The following RAP1GDS1 variants were observed in gnomAD, a reference collection of about 807,000 sequenced individuals.
RAP1GDS1 encodes RAP1, GTP-GDP dissociation stimulator 1.
RAP1GDS1 carries 35 observed loss-of-function variants against 71.1 expected under a neutral mutation model. The ratio of observed to expected loss-of-function variants is 0.49; its 90% CI spans 0.38 to 0.65. The LOEUF (loss-of-function observed/expected upper bound fraction) is 0.65. Ranked by LOEUF, RAP1GDS1 falls within the 30% of genes least tolerant of loss-of-function variation. The pLI is 0.00. For missense variants in RAP1GDS1, 663 were observed against 706.1 expected (o/e 0.94, Z 0.69); for synonymous variants, 229 against 243.1 (o/e 0.94, Z 0.54).
chr4:98,364,300 T>C (rs1460999950), intron 4 of RAP1GDS1, among the ~76,000 whole-genome samples: 1 of 152,116 alleles, frequency 6.6e-6, no homozygotes, highest in Non-Finnish European at 1.5e-5. Flanking sequence ...CATAGTTTTT[T>C]ACGTAGGAGG....
intron 2 of RAP1GDS1, among the ~76,000 whole-genome samples, chr4:98,320,533 T>C (rs1342694550): frequency 6.6e-6 from 1 of 152,160 alleles, no homozygotes. Context: ...ATCTGAGCTT[T>C]GAAGAGAGCA....
intron 2 of RAP1GDS1, among the ~76,000 whole-genome samples, chr4:98,295,380 A>G (rs1466624981): frequency 6.6e-6 from 1 of 152,088 alleles, no homozygotes; most frequent in Admixed American, 6.6e-5. Context: ...CTGAAACAAA[A>G]TTTATAAATG....
intron 1 of RAP1GDS1, among the ~76,000 whole-genome samples, chr4:98,285,135 A>C: frequency 6.6e-6 from 1 of 152,348 alleles, no homozygotes; most frequent in Middle Eastern, 3.4e-3. Flanking sequence ...TATATAAAAC[A>C]CTGAAAAGAT....
chr4:98,331,015 A>G (rs953885150), intron 2 of RAP1GDS1, among the ~76,000 whole-genome samples: 2 of 152,162 alleles, frequency 1.3e-5, no homozygotes, highest in African/African-American at 4.8e-5. Context: ...AACATTGAGC[A>G]CTGAGTGAGC....
intron 1 of RAP1GDS1, among the ~76,000 whole-genome samples, chr4:98,265,704 A>G (rs921841607): frequency 2.0e-5 from 3 of 152,122 alleles, no homozygotes; most frequent in Admixed American, 1.3e-4. Context: ...TAGTTAGGGA[A>G]AAAGGAATGG....
At chr4:98,426,970 A>G (rs1749708800) in intron 12 of RAP1GDS1, among the ~76,000 whole-genome samples, 1 of 152,210 alleles carries the variant, frequency 6.6e-6, no homozygotes, top group Non-Finnish European at 1.5e-5. Context: ...AAAATCCTTA[A>G]CAAAATACTA....
intron 4 of RAP1GDS1, among the ~76,000 whole-genome samples, chr4:98,366,206 C>T (rs1325607354): frequency 6.6e-6 from 1 of 152,042 alleles, no homozygotes; most frequent in Admixed American, 6.6e-5. Context: ...AGGTCTTTCC[C>T]ATGCTATTTT....
chr4:98,408,100 A>G (rs1384342125), intron 7 of RAP1GDS1, among the ~76,000 whole-genome samples: 1 of 141,018 alleles, frequency 7.1e-6, no homozygotes, highest in Non-Finnish European at 1.5e-5. Flanking sequence ...TTATATATAT[A>G]TATATTTTTT....
chr4:98,265,800 A>G (rs912585230), intron 1 of RAP1GDS1, among the ~76,000 whole-genome samples: 1 of 152,156 alleles, frequency 6.6e-6, no homozygotes, highest in Non-Finnish European at 1.5e-5. Context: ...TGAATAGTTA[A>G]TAAGGTCTGT....
chr4:98,308,707 A>C (rs1729756453), intron 2 of RAP1GDS1, among the ~76,000 whole-genome samples: 1 of 152,136 alleles, frequency 6.6e-6, no homozygotes, highest in South Asian at 2.1e-4. Context: ...AGTGAAGTTC[A>C]GTATAATTTA....
intron 2 of RAP1GDS1, among the ~76,000 whole-genome samples, chr4:98,341,366 A>G (rs940506523): frequency 6.6e-6 from 1 of 152,212 alleles, no homozygotes; most frequent in Admixed American, 6.5e-5. Flanking sequence ...GGAAAGTGTC[A>G]TTGGAGTGCA....
chr4:98,380,752 C>A (rs551764575), intron 5 of RAP1GDS1, among the ~76,000 whole-genome samples: 59 of 151,686 alleles, frequency 3.9e-4, no homozygotes, highest in African/African-American at 1.4e-3. Context: ...TGGGCTTGGA[C>A]ATTTGAGGAA....
rs536772125 is a variant in RAP1GDS1, at chr4:98,336,525, A to C, written c.113-6614A>C. On this transcript the variant is annotated intron_variant, in intron 2 of 14. Coordinates refer to ENST00000408927, the MANE Select transcript of RAP1GDS1 (RefSeq NM_001100427.2). ...TTTTATAAAATGAGTCTCACAACTTAGTTTTTTAGTGAGATCTGTTTCTGA... is the reference window on the plus strand; with the variant it reads ...TTTTATAAAATGAGTCTCACAACTTCGTTTTTTAGTGAGATCTGTTTCTGA... Among the ~76,000 whole-genome samples the C allele has an allele frequency of 2.0e-5, 3 of 152,288 alleles. No homozygotes were observed. The East Asian group carries it at 5.8e-4, about 29-fold the overall frequency.
chr4:98,397,923 A>ACTT (rs1384568883), intron 6 of RAP1GDS1, among the ~76,000 whole-genome samples: 1 of 152,144 alleles, frequency 6.6e-6, no homozygotes, highest in East Asian at 1.9e-4. Context: ...CAGAACGTAG[A>ACTT]CTTAAAGTTA....
intron 4 of RAP1GDS1, among the ~76,000 whole-genome samples, chr4:98,376,324 TA>T (rs1051413794): frequency 6.6e-6 from 1 of 152,106 alleles, no homozygotes; most frequent in African/African-American, 2.4e-5. Flanking sequence ...AAGTTTAGGA[TA>T]GGGAACCTTT....
intron 1 of RAP1GDS1, among the ~76,000 whole-genome samples, chr4:98,280,357 T>C (rs181977787): frequency 1.3e-5 from 2 of 152,308 alleles, no homozygotes; most frequent in African/African-American, 4.8e-5. Flanking sequence ...CTCTGATGAC[T>C]AGTGATGATG....
intron 2 of RAP1GDS1, among the ~76,000 whole-genome samples, chr4:98,325,004 A>T (rs1362358231): frequency 6.7e-6 from 1 of 150,246 alleles, no homozygotes; most frequent in Non-Finnish European, 1.5e-5. Flanking sequence ...ATGGGAGAAA[A>T]TTTTCGCAAC....
chr4:98,372,982 A>G (rs1578632456), intron 4 of RAP1GDS1, among the ~76,000 whole-genome samples: 1 of 152,300 alleles, frequency 6.6e-6, no homozygotes, highest in Non-Finnish European at 1.5e-5. Flanking sequence ...GAGCCACTGT[A>G]CCTGGCCTGT....
At chr4:98,373,387 C>A (rs1409098185) in intron 4 of RAP1GDS1, among the ~76,000 whole-genome samples, 1 of 151,552 alleles carries the variant, frequency 6.6e-6, no homozygotes, top group African/African-American at 2.4e-5. Context: ...CTCTCTCCCT[C>A]CCTCCCTCTC....
Sources: gnomAD v4.1 joint callset for allele counts (sites outside exome capture counted in the v4.1 genomes callset) on GRCh38, gnomAD v4.1.1 for gene constraint, MANE v1.5 for transcripts, NCBI Gene and HGNC (gene_info 2026-07-23, HGNC 2026-07-21) for gene names.